The following CCDC150 variants were observed in gnomAD, a reference collection of about 807,000 sequenced individuals.
The protein encoded by CCDC150 is coiled-coil domain containing 150.
Under a neutral mutation model 156.5 loss-of-function variants are expected in CCDC150, and 151 were observed. That is an observed-to-expected ratio of 0.97 (90% CI 0.85 to 1.10). The LOEUF (loss-of-function observed/expected upper bound fraction) is 1.10. Ranked by LOEUF, CCDC150 falls within the 50% of genes least tolerant of loss-of-function variation. CCDC150 has a pLI of 0.00. For synonymous variants in CCDC150, 452 were observed against 429.4 expected (o/e 1.05, Z -0.65); for missense variants, 1,312 against 1,268.1 (o/e 1.03, Z -0.53).
At chr2:196,693,510 C>G (rs1288158199) in intron 13 of CCDC150, among the ~76,000 whole-genome samples, 8 of 152,192 alleles carry the variant, frequency 5.3e-5, no homozygotes, top group Non-Finnish European at 1.0e-4. Context: ...TATCCTTCAG[C>G]CTTGACACAC....
rs771987095 is a variant in CCDC150, at chr2:196,672,329, A to AT, written c.937-8dup. On this transcript the variant is annotated splice_polypyrimidine_tract_variant and intron_variant, in intron 8 of 27. Coordinates refer to ENST00000389175, the MANE Select transcript of CCDC150 (RefSeq NM_001080539.2). Reference sequence around the variant, plus strand: ...TCTCTTATATGTGAAAAAGAGAGTAATTTTTTTTCTTATAGAACCTGCAGA... The same window carrying AT: ...TCTCTTATATGTGAAAAAGAGAGTAATTTTTTTTTCTTATAGAACCTGCAGA... 118 of 1,402,412 alleles carry AT rather than the reference A, an allele frequency of 8.4e-5. No individual in the cohort carries two copies. The African/African-American group carries it at 9.6e-4, about 11-fold the overall frequency. 86.9% of individuals were successfully genotyped at this position (1,402,412 alleles called of 1,614,324 possible).
At chr2:196,703,384 A>C (rs111947569) in intron 15 of CCDC150, among the ~76,000 whole-genome samples, 3 of 150,574 alleles carry the variant, frequency 2.0e-5, no homozygotes, top group African/African-American at 7.5e-5. Flanking sequence ...ACACCTATTA[A>C]TATTAATATT....
At chr2:196,710,310 C>T (rs965984298) in intron 15 of CCDC150, among the ~76,000 whole-genome samples, 100 of 152,260 alleles carry the variant, frequency 6.6e-4, no homozygotes, top group African/African-American at 2.1e-3. Flanking sequence ...CCAAGCCAGG[C>T]GCAGGATATA....
In CCDC150 at chr2:196,723,994, C is replaced by T. The variant is rs982963626; in HGVS notation, c.2430-1979C>T. Among the ~76,000 whole-genome samples, 6 of 152,086 alleles carry T rather than the reference C, an allele frequency of 3.9e-5. No individual in the cohort carries two copies. In the East Asian group the frequency reaches 5.8e-4, roughly 15 times the overall value. On this transcript the variant is annotated intron_variant, in intron 21 of 27. Transcript: ENST00000389175. Reference sequence around the variant, plus strand: ...TAAAGATTATGGAAAAGAACTCAATCGAACTGGAGAAAAGAGAGAGTATAA... The same window carrying T: ...TAAAGATTATGGAAAAGAACTCAATTGAACTGGAGAAAAGAGAGAGTATAA...
intron 5 of CCDC150, among the ~76,000 whole-genome samples, chr2:196,660,316 GGTAAATGTAATA>G (rs1168871006): frequency 6.6e-6 from 1 of 152,114 alleles, no homozygotes; most frequent in Non-Finnish European, 1.5e-5. Context: ...AACTCATTTG[GGTAAATGTAATA>G]CCTAGGAGTG....
At chr2:196,681,759 ATCT>A (rs1694835836) in intron 13 of CCDC150, among the ~76,000 whole-genome samples, 1 of 152,090 alleles carries the variant, frequency 6.6e-6, no homozygotes, top group Non-Finnish European at 1.5e-5. Context: ...CCATTTATAT[ATCT>A]TCTTTGGAGA....
intron 9 of CCDC150, among the ~76,000 whole-genome samples, 155 bp downstream of exon 9, chr2:196,672,592 A>G (rs1694268437): frequency 6.6e-6 from 1 of 152,176 alleles, no homozygotes; most frequent in African/African-American, 2.4e-5. Flanking sequence ...TTGAAACATT[A>G]TCAAATTAAC....
chr2:196,676,685 A>G lies in CCDC150; in HGVS notation c.1394A>G (p.Gln465Arg), dbSNP rs757246340. 2.5e-6 allele frequency: 4 copies of G among 1,613,848 alleles called. No homozygotes were observed. The highest frequency in any genetic ancestry group is 2.5e-6 in the Non-Finnish European group (3 of 1,179,770). The change falls in exon 12 of 28, where the codon CAA becomes CGA. Residue 465 changes from glutamine (Q) to arginine (R), a missense_variant. Coordinates refer to ENST00000389175, the MANE Select transcript of CCDC150 (RefSeq NM_001080539.2). ...RLRGELEASM[Q>R]EKKSLLEEKE... ...CGAGGTGAATTGGAAGCATCAATGCAAGAGAAGAAGTCTCTGCTAGAGGAG... is the reference window on the plus strand; with the variant it reads ...CGAGGTGAATTGGAAGCATCAATGCGAGAGAAGAAGTCTCTGCTAGAGGAG...
chr2:196,701,076 T>A, intron 14 of CCDC150, 33 bp from the exon 15 acceptor site: 1 of 1,447,394 alleles, frequency 6.9e-7, no homozygotes, highest in South Asian at 1.2e-5. Context: ...TTTCTATGCC[T>A]AGAGGTTCTG....
At chr2:196,640,316 T>C (rs1692138402) in intron 1 of CCDC150, among the ~76,000 whole-genome samples, 1 of 152,194 alleles carries the variant, frequency 6.6e-6, no homozygotes, top group Admixed American at 6.5e-5. Flanking sequence ...TAGAAAAATG[T>C]CTATTTTTAA....
intron 4 of CCDC150, 131 bp from the exon 5 acceptor site, chr2:196,658,661 G>A (rs967467053): frequency 4.3e-5 from 26 of 602,238 alleles, no homozygotes; most frequent in Middle Eastern, 4.2e-4. Context: ...ATAACAAGGA[G>A]TATTTATAAC....
chr2:196,670,010 A>G (rs1694106786), intron 8 of CCDC150, 134 bp downstream of exon 8: 4 of 577,778 alleles, frequency 6.9e-6, no homozygotes, highest in South Asian at 6.9e-5. Flanking sequence ...GTAAATGAGT[A>G]GTATATTTAG....
chr2:196,720,083 G>T, intron 19 of CCDC150: 3 of 392,468 alleles, frequency 7.6e-6, no homozygotes, highest in Non-Finnish European at 5.2e-6. Context: ...AATTATTTTA[G>T]GTGAATCATT....
chr2:196,664,600 C>T (rs574181484), intron 5 of CCDC150, among the ~76,000 whole-genome samples: 2 of 152,250 alleles, frequency 1.3e-5, no homozygotes, highest in African/African-American at 4.8e-5. Flanking sequence ...ATTTTTATGG[C>T]GGCCTCATTA....
At chr2:196,710,489 T>C (rs1697033641) in intron 15 of CCDC150, among the ~76,000 whole-genome samples, 2 of 152,218 alleles carry the variant, frequency 1.3e-5, no homozygotes, top group Non-Finnish European at 2.9e-5. Flanking sequence ...CTGCTTTGGC[T>C]CACCCTCTGT....
intron 9 of CCDC150, among the ~76,000 whole-genome samples, chr2:196,673,915 T>A (rs576704057): frequency 5.9e-5 from 9 of 152,316 alleles, no homozygotes; most frequent in African/African-American, 2.2e-4. Context: ...ATTGGCTAGG[T>A]ACTGACATTG....
intron 14 of CCDC150, among the ~76,000 whole-genome samples, chr2:196,698,852 G>A (rs988735573): frequency 7.3e-5 from 11 of 151,048 alleles, no homozygotes; most frequent in Admixed American, 6.6e-5. Flanking sequence ...CTCCCCACCC[G>A]GCAACAGGCC....
Position 196,718,626 on chromosome 2 carries a change from A to C in CCDC150, c.1990A>C (p.Lys664Gln). ...DLEAVEDREN[K>Q]KVGNFQRQLA... ...CGAGGCTGTGGAGGACAGGGAAAAC[A>C]AGAAGGCAAGGAATCAGTCCCTTCT... Residue 664 changes from lysine to glutamine, a missense_variant, in exon 18 of 28, where the codon AAG (lysine) becomes CAG (glutamine). Coordinates refer to ENST00000389175, the MANE Select transcript of CCDC150 (RefSeq NM_001080539.2). The C allele has an allele frequency of 1.2e-6, 2 of 1,613,294 alleles. No homozygotes were observed. Among genetic ancestry groups the C allele is most frequent in the Non-Finnish European group, 1.7e-6 (2 of 1,179,462 alleles).
intron 5 of CCDC150, among the ~76,000 whole-genome samples, chr2:196,659,975 C>A (rs186442080): frequency 1.8e-4 from 27 of 152,186 alleles, no homozygotes; most frequent in African/African-American, 6.5e-4. Context: ...TTCCACCTAC[C>A]CATCCTTCCT....
Sources: allele counts gnomAD v4.1 joint callset (sites outside exome capture counted in the v4.1 genomes callset), GRCh38; gene constraint gnomAD v4.1.1; transcripts MANE v1.5; gene names NCBI Gene and HGNC (gene_info 2026-07-23, HGNC 2026-07-21).